The following GRIA1 variants were observed in gnomAD, a reference collection of about 807,000 sequenced individuals.
GRIA1 encodes the protein glutamate ionotropic receptor AMPA type subunit 1.
In GRIA1, 31 loss-of-function variants were observed where a neutral mutation model predicts 99.2. The observed-to-expected ratio is 0.31, with a 90% CI of 0.23 to 0.42. The LOEUF is 0.42. Among genes scored for constraint, GRIA1 ranks in the 10% least tolerant of loss-of-function variants. The probability of loss-of-function intolerance (pLI) is 1.00; values close to 1 mark genes in which losing one functional copy is unlikely to be tolerated. For synonymous variants in GRIA1, 438 were observed against 432.4 expected (o/e 1.01, Z -0.16); for missense variants, 782 against 1,157.5 (o/e 0.68, Z 4.71).
chr5:153,638,731 C>A (rs980391488), intron 2 of GRIA1, among the ~76,000 whole-genome samples: 1 of 152,128 alleles, frequency 6.6e-6, no homozygotes, highest in African/African-American at 2.4e-5. Context: ...TCTGTTCTTA[C>A]AAATTACAGA....
intron 2 of GRIA1, among the ~76,000 whole-genome samples, chr5:153,592,708 C>A (rs2149387836): frequency 6.6e-6 from 1 of 152,162 alleles, no homozygotes; most frequent in East Asian, 1.9e-4. Context: ...CTTGTATTGC[C>A]TGTTCTGGTT....
intron 2 of GRIA1, among the ~76,000 whole-genome samples, chr5:153,635,190 GA>G (rs1480000414): frequency 3.3e-5 from 5 of 152,292 alleles, no homozygotes; most frequent in African/African-American, 1.2e-4. Flanking sequence ...AGAAACAAAA[GA>G]TTTTTTTTCT....
chr5:153,629,209 T>G (rs1752749049), intron 2 of GRIA1, among the ~76,000 whole-genome samples: 1 of 152,140 alleles, frequency 6.6e-6, no homozygotes, highest in Non-Finnish European at 1.5e-5. Context: ...CTCCTCCTCA[T>G]TTCCTCTTCC....
At chr5:153,701,065 C>G (rs1486931942) in intron 10 of GRIA1, among the ~76,000 whole-genome samples, 1 of 152,206 alleles carries the variant, frequency 6.6e-6, no homozygotes, top group Non-Finnish European at 1.5e-5. Context: ...TTAAGGTCAT[C>G]CCCATGGCAA....
intron 2 of GRIA1, among the ~76,000 whole-genome samples, chr5:153,581,087 A>T (rs955151549): frequency 5.3e-5 from 8 of 152,154 alleles, no homozygotes; most frequent in Non-Finnish European, 7.3e-5. Context: ...TGGCATGCGG[A>T]CGGCTTCCTA....
intron 7 of GRIA1, among the ~76,000 whole-genome samples, chr5:153,680,845 G>A (rs1434254946): frequency 6.6e-6 from 1 of 152,208 alleles, no homozygotes; most frequent in African/African-American, 2.4e-5. Context: ...CTGTAGGAAT[G>A]TGACTGGCCT....
chr5:153,691,007 T>A (rs1368435322), intron 8 of GRIA1, among the ~76,000 whole-genome samples: 1 of 152,204 alleles, frequency 6.6e-6, no homozygotes, highest in Non-Finnish European at 1.5e-5. Flanking sequence ...TCTTCCAGAT[T>A]TGGAGCCTCA....
At chr5:153,578,148 C>CAAAAAAAAAAAAAAAAAAAAAAAAA (rs60901793) in intron 2 of GRIA1, among the ~76,000 whole-genome samples, 4 of 69,316 alleles carry the variant, frequency 5.8e-5, no homozygotes, top group Admixed American at 2.0e-4. Flanking sequence ...GAGACTCTGT[C>CAAAAAAAAAAAAAAAAAAAAAAAAA]AAAAAAAAAA....
At chr5:153,772,048 T>C (rs1469886817) in intron 13 of GRIA1, among the ~76,000 whole-genome samples, 1 of 152,132 alleles carries the variant, frequency 6.6e-6, no homozygotes, top group Non-Finnish European at 1.5e-5. Context: ...AGGCAATATT[T>C]TAAAGAAATT....
intron 2 of GRIA1, among the ~76,000 whole-genome samples, chr5:153,613,902 C>A (rs755112340): frequency 2.7e-4 from 41 of 152,200 alleles, no homozygotes; most frequent in Non-Finnish European, 7.3e-5. Flanking sequence ...TCAGCCCTTG[C>A]ACGCCCTGGA....
chr5:153,610,588 A>C (rs1765892418), intron 2 of GRIA1, among the ~76,000 whole-genome samples: 1 of 152,210 alleles, frequency 6.6e-6, no homozygotes, highest in South Asian at 2.1e-4. Context: ...GCTTCCCCTA[A>C]TTGTGGTCGA....
intron 5 of GRIA1, among the ~76,000 whole-genome samples, chr5:153,660,436 G>A (rs1002935639): frequency 1.3e-5 from 2 of 152,144 alleles, no homozygotes; most frequent in Non-Finnish European, 2.9e-5. Context: ...AACATATAAA[G>A]TGATGGAGCT....
chr5:153,640,114 G>A (rs1581384075), intron 2 of GRIA1, among the ~76,000 whole-genome samples: 1 of 152,300 alleles, frequency 6.6e-6, no homozygotes, highest in African/African-American at 2.4e-5. Flanking sequence ...ACATATGTCA[G>A]CCCACAGGGT....
chr5:153,558,672 C>T (rs1315059785), intron 2 of GRIA1, among the ~76,000 whole-genome samples: 1 of 152,120 alleles, frequency 6.6e-6, no homozygotes, highest in Non-Finnish European at 1.5e-5. Flanking sequence ...CAATTTGGGG[C>T]ATTTATAATG....
At chr5:153,650,613 G>T in intron 4 of GRIA1, 99 bp downstream of exon 4, 2 of 1,176,664 alleles carry the variant, frequency 1.7e-6, no homozygotes, top group East Asian at 2.5e-5. Flanking sequence ...GTTATAAAGA[G>T]GGTTCTTGAC....
chr5:153,630,753 T>A (rs1752896194), intron 2 of GRIA1, among the ~76,000 whole-genome samples: 2 of 152,034 alleles, frequency 1.3e-5, no homozygotes, highest in East Asian at 1.9e-4. Flanking sequence ...CAATAGAGGG[T>A]GGAGGAGAAG....
chr5:153,653,540 C>T (rs926129377), intron 4 of GRIA1, among the ~76,000 whole-genome samples: 2 of 152,164 alleles, frequency 1.3e-5, no homozygotes, highest in Non-Finnish European at 2.9e-5. Context: ...GATGCCAAAG[C>T]ATATAAAACA....
chr5:153,691,806 C>G (rs1439493882), intron 8 of GRIA1, among the ~76,000 whole-genome samples: 1 of 152,190 alleles, frequency 6.6e-6, no homozygotes, highest in Non-Finnish European at 1.5e-5. Flanking sequence ...GCCTCCTTAC[C>G]AGTCACGAGT....
At chr5:153,627,620 A>G (rs1767759277) in intron 2 of GRIA1, among the ~76,000 whole-genome samples, 1 of 152,192 alleles carries the variant, frequency 6.6e-6, no homozygotes, top group Non-Finnish European at 1.5e-5. Context: ...CTAATGAGGT[A>G]AAAGTGGGCA....
Sources: gnomAD v4.1 joint callset for allele counts (sites outside exome capture counted in the v4.1 genomes callset) on GRCh38, gnomAD v4.1.1 for gene constraint, MANE v1.5 for transcripts, NCBI Gene and HGNC (gene_info 2026-07-23, HGNC 2026-07-21) for gene names.